Variants in RASGEF1A observed in about 807,000 individuals in gnomAD.
RASGEF1A encodes RasGEF domain family member 1A.
RASGEF1A carries 18 observed loss-of-function variants against 56.4 expected under a neutral mutation model. The ratio of observed to expected loss-of-function variants is 0.32; its 90% CI spans 0.22 to 0.47. The LOEUF is 0.47. Among genes scored for constraint, RASGEF1A ranks in the 20% least tolerant of loss-of-function variants. RASGEF1A has a pLI of 1.00. For synonymous variants in RASGEF1A, 245 were observed against 242.6 expected (o/e 1.01, Z -0.09); for missense variants, 422 against 627.1 (o/e 0.67, Z 3.49).
chr10:43,246,728 A>G (rs2133221945), intron 1 of RASGEF1A, among the ~76,000 whole-genome samples: 1 of 152,332 alleles, frequency 6.6e-6, no homozygotes, highest in East Asian at 1.9e-4. Context: ...AAACAAAGGA[A>G]CACATTTGGA....
chr10:43,214,698 C>T (rs935380872), intron 1 of RASGEF1A, among the ~76,000 whole-genome samples: 1 of 152,206 alleles, frequency 6.6e-6, no homozygotes, highest in East Asian at 1.9e-4. Context: ...AGCACACTGT[C>T]GGAATTCTAG....
chr10:43,197,202 C>T, intron 10 of RASGEF1A, 103 bp from the exon 11 acceptor site: 1 of 1,360,044 alleles, frequency 7.4e-7, no homozygotes, highest in Non-Finnish European at 1.0e-6. Context: ...CTGCTCACTT[C>T]ACTGGTCCCA....
intron 1 of RASGEF1A, chr10:43,206,856 C>T (rs1391656362): frequency 1.0e-6 from 1 of 985,934 alleles, no homozygotes. Flanking sequence ...CTGGAACTGG[C>T]TTTGGGGCCT....
At chr10:43,242,141 AAAAT>A (rs761887551) in intron 1 of RASGEF1A, among the ~76,000 whole-genome samples, 7 of 152,246 alleles carry the variant, frequency 4.6e-5, no homozygotes, top group East Asian at 3.8e-4. Flanking sequence ...CCATCTCAAA[AAAAT>A]AAATAAATAA....
At chr10:43,224,157 A>G (rs1840243991) in intron 1 of RASGEF1A, among the ~76,000 whole-genome samples, 1 of 152,246 alleles carries the variant, frequency 6.6e-6, no homozygotes, top group Non-Finnish European at 1.5e-5. Context: ...TAGTTTCTAA[A>G]ATGAATTATT....
rs1216825780 is a variant in RASGEF1A at position 43,263,841 on chromosome 10, C to T, written c.-7+3004G>A. On this transcript the variant is annotated intron_variant, in intron 1 of 12. Coordinates refer to ENST00000395810, the MANE Select transcript of RASGEF1A (RefSeq NM_145313.4). ...GAGCCGGGACAACCGGACTACTCTC[C>T]CTGCCTGGCTTCCCTCTCCATGGTC... is the stretch of plus-strand genomic sequence containing the variant. 2.6e-5 allele frequency among the ~76,000 whole-genome samples: 4 copies of T among 152,180 alleles called. 1 individual carries two copies. The highest frequency in any genetic ancestry group is 4.1e-4 in the South Asian group (2 of 4,832).
At chr10:43,238,334 G>C (rs1288378940) in intron 1 of RASGEF1A, among the ~76,000 whole-genome samples, 7 of 152,158 alleles carry the variant, frequency 4.6e-5, no homozygotes, top group Non-Finnish European at 7.3e-5. Context: ...CCATCGCAGA[G>C]TCAGACCTGC....
intron 1 of RASGEF1A, among the ~76,000 whole-genome samples, chr10:43,215,559 G>C (rs1227760555): frequency 1.3e-5 from 2 of 152,192 alleles, no homozygotes; most frequent in Non-Finnish European, 2.9e-5. Flanking sequence ...CGACAGAATG[G>C]GCTCTTCGCC....
chr10:43,216,329 G>A (rs80282124), intron 1 of RASGEF1A, among the ~76,000 whole-genome samples: 6,912 of 152,288 alleles, frequency 0.045, 249 homozygotes, highest in Non-Finnish European at 0.074. Context: ...CCAGGACATC[G>A]GGAATGAGGC....
At position 43,266,853 on chromosome 10, in the gene RASGEF1A, G is replaced by C. The variant is rs1361711655; in HGVS notation, c.-15C>G. The C allele has an allele frequency of 6.9e-6, 1 of 145,952 alleles. No individual in the cohort carries two copies. Among genetic ancestry groups the C allele is most frequent in the African/African-American group, 2.5e-5 (1 of 40,738 alleles). The allele number at this position is 145,952 out of a possible 1,614,324, so 9.0% of individuals were successfully genotyped here. ...CCGCGGCCGCTGCCTACCTCGGTCC[G>C]GGCCAGCGTCGCTCCCGCGCCGCCC... is the stretch of plus-strand genomic sequence containing the variant. On this transcript the variant is annotated 5_prime_UTR_variant, in exon 1 of 13. Transcript: ENST00000395810.
At chr10:43,264,829 T>C (rs1229761209) in intron 1 of RASGEF1A, among the ~76,000 whole-genome samples, 1 of 151,912 alleles carries the variant, frequency 6.6e-6, no homozygotes, top group African/African-American at 2.4e-5. Context: ...CTGAGGACAG[T>C]GGGGGGGCCA....
intron 1 of RASGEF1A, among the ~76,000 whole-genome samples, chr10:43,260,005 C>T (rs893416897): frequency 1.3e-5 from 2 of 152,162 alleles, no homozygotes; most frequent in Non-Finnish European, 2.9e-5. Context: ...AGCACGGGAG[C>T]GACCTGGCCT....
At chr10:43,265,342 C>T (rs1759825778) in intron 1 of RASGEF1A, among the ~76,000 whole-genome samples, 1 of 152,226 alleles carries the variant, frequency 6.6e-6, no homozygotes, top group South Asian at 2.1e-4. Context: ...TTCACAAACC[C>T]AGGGGCATGT....
At chr10:43,248,856 G>A (rs1454106164) in intron 1 of RASGEF1A, among the ~76,000 whole-genome samples, 2 of 152,088 alleles carry the variant, frequency 1.3e-5, no homozygotes, top group Non-Finnish European at 2.9e-5. Flanking sequence ...CAGAGTCCTG[G>A]GCCTCATGAA....
At chr10:43,238,256 G>A (rs142157971) in intron 1 of RASGEF1A, among the ~76,000 whole-genome samples, 113 of 152,140 alleles carry the variant, frequency 7.4e-4, no homozygotes, top group African/African-American at 2.6e-3. Context: ...AGGGTTAGCC[G>A]CCGCAGATTG....
intron 1 of RASGEF1A, among the ~76,000 whole-genome samples, chr10:43,230,798 G>C (rs985309751): frequency 5.3e-5 from 8 of 152,170 alleles, no homozygotes; most frequent in Admixed American, 5.2e-4. Context: ...CTGCCTCCCA[G>C]CTTGTTTGCC....
chr10:43,214,560 C>G (rs1187703251), intron 1 of RASGEF1A, among the ~76,000 whole-genome samples: 2 of 152,170 alleles, frequency 1.3e-5, no homozygotes, highest in African/African-American at 4.8e-5. Context: ...CCAACACCAC[C>G]AGCCCCACCA....
chr10:43,214,353 C>G (rs924017380), intron 1 of RASGEF1A, among the ~76,000 whole-genome samples: 5 of 152,210 alleles, frequency 3.3e-5, no homozygotes, highest in African/African-American at 1.2e-4. Context: ...TGAGGAGACC[C>G]AACAGAGCCA....
chr10:43,219,113 C>A (rs1840174039), intron 1 of RASGEF1A, among the ~76,000 whole-genome samples: 1 of 152,212 alleles, frequency 6.6e-6, no homozygotes, highest in South Asian at 2.1e-4. Context: ...AGAATCCCTG[C>A]CCTTTCCCGG....
Sources: gnomAD v4.1 joint callset for allele counts (sites outside exome capture counted in the v4.1 genomes callset) on GRCh38, gnomAD v4.1.1 for gene constraint, MANE v1.5 for transcripts, NCBI Gene and HGNC (gene_info 2026-07-23, HGNC 2026-07-21) for gene names.